DNAH10: variants seen among roughly 807,000 people sequenced by gnomAD.
The protein encoded by DNAH10 is axonemal beta dynein heavy chain 10.
Under a neutral mutation model 506.6 loss-of-function variants are expected in DNAH10, and 348 were observed. The observed-to-expected ratio is 0.69, with a 90% CI of 0.63 to 0.75. DNAH10 has a LOEUF of 0.75. DNAH10 is among the 30% of genes least tolerant of loss of function. DNAH10 has a pLI of 0.00. For synonymous variants in DNAH10, 2,059 were observed against 2,198.6 expected (o/e 0.94, Z 1.78); for missense variants, 5,179 against 5,787.1 (o/e 0.89, Z 3.41).
chr12:123,879,706 A>G lies in DNAH10; in HGVS notation c.8539A>G (p.Ile2847Val). ...CGTGGAGGTGGTGATGAGGGATCCC[A>G]TATTGTTTGGAGACTTCCAGATGGC... ...DDVEVVMRDP[I>V]LFGDFQMALH... Residue 2847 changes from isoleucine to valine, a missense_variant, in exon 50 of 79, where the codon ATA becomes GTA. Physicochemically the swap from Ile to Val is conservative, Grantham distance 29. Around this residue, in one of 3 missense-constraint regions of DNAH10, gnomAD observed 4,844 missense variants for 5,430.5 expected, o/e 0.89. Coordinates refer to ENST00000673944, the MANE Select transcript of DNAH10 (RefSeq NM_001372106.1). 1.9e-6 allele frequency: 3 copies of G among 1,613,966 alleles called. No individual in the cohort carries two copies. The highest frequency in any genetic ancestry group is 2.5e-6 in the Non-Finnish European group (3 of 1,179,866).
Position 123,813,199 on chromosome 12 carries a change from A to G in DNAH10, c.3180A>G (p.Glu1060=). ...FVRWMNGSCI[E]CPPQKGEEEE... ...GTTGGATGAATGGCAGCTGCATAGA[A>G]TGCCCACCTCAGAAGGGGGAGGAAG... Residue 1060 remains glutamate (E), a synonymous_variant, in exon 20 of 79, where the codon GAA becomes GAG. Coordinates refer to ENST00000673944, the MANE Select transcript of DNAH10 (RefSeq NM_001372106.1). 6.2e-7 allele frequency: 1 copy of G among 1,612,132 alleles called. No homozygotes were observed. Among genetic ancestry groups the G allele is most frequent in the Non-Finnish European group, 8.5e-7 (1 of 1,178,736 alleles).
Position 123,893,131 on chromosome 12 carries a change from A to G in DNAH10, c.8996-102A>G, listed in dbSNP as rs553858091. The G allele has an allele frequency of 4.7e-6, 6 of 1,264,542 alleles. No homozygotes were observed. In the South Asian group the frequency reaches 8.0e-5, roughly 17 times the overall value. The allele number at this position is 1,264,542 out of a possible 1,614,324, so 78.3% of individuals were successfully genotyped here. ...GGCCCACACGCTGCTCTCTGGACTC[A>G]GCACCTGCTGATCTTTCCACACCTT... On this transcript the variant is annotated intron_variant, in intron 52 of 78. Coordinates refer to ENST00000673944, the MANE Select transcript of DNAH10 (RefSeq NM_001372106.1).
At chr12:123,848,148 G>T (rs1169111676) in intron 33 of DNAH10, 53 bp downstream of exon 33, 3 of 1,569,822 alleles carry the variant, frequency 1.9e-6, no homozygotes, top group Non-Finnish European at 2.6e-6. Flanking sequence ...AGAGCTTAAA[G>T]CAGGACATGG....
intron 52 of DNAH10, 45 bp downstream of exon 52, chr12:123,887,358 C>T (rs1025911803): frequency 1.9e-6 from 3 of 1,576,614 alleles, no homozygotes; most frequent in Non-Finnish European, 2.6e-6. Flanking sequence ...CCCCGCTCAG[C>T]TCTTAAGGGA....
At position 123,907,754 on chromosome 12, in the gene DNAH10, G is replaced by A. The variant is rs571490395; in HGVS notation, c.9816-1507G>A. Among the ~76,000 whole-genome samples the A allele has an allele frequency of 3.3e-5, 5 of 152,290 alleles. No homozygotes were observed. Among genetic ancestry groups the A allele is most frequent in the Admixed American group, 2.0e-4 (3 of 15,300 alleles). On this transcript the variant is annotated intron_variant, in intron 57 of 78. Transcript: ENST00000673944. The surrounding 1 kb of genome is among the most constrained non-coding windows in gnomAD (Gnocchi z 4.4). Reference sequence around the variant, plus strand: ...TTCCCCACCTGCTTGTTCACAGAGCGGTGGCCGGGGCCTGGTTTCCATCCA... The same window carrying A: ...TTCCCCACCTGCTTGTTCACAGAGCAGTGGCCGGGGCCTGGTTTCCATCCA...
At chr12:123,887,813 T>C (rs1355318230) in intron 52 of DNAH10, among the ~76,000 whole-genome samples, 2 of 151,912 alleles carry the variant, frequency 1.3e-5, no homozygotes, top group African/African-American at 4.8e-5. Context: ...GGCGTGATCT[T>C]GGCTCACTGC....
chr12:123,822,681 T>C (rs905558201), intron 24 of DNAH10, among the ~76,000 whole-genome samples: 3 of 152,180 alleles, frequency 2.0e-5, no homozygotes, highest in African/African-American at 7.2e-5. Context: ...GCTCCTGTGA[T>C]TATGGAGGCT....
intron 11 of DNAH10, among the ~76,000 whole-genome samples, chr12:123,791,175 A>T (rs1476034698): frequency 1.3e-5 from 2 of 152,188 alleles, no homozygotes; most frequent in Non-Finnish European, 2.9e-5. Flanking sequence ...ATCAAGGTTT[A>T]TACTTCAGGA....
chr12:123,817,022 T>A (rs1403562882), intron 21 of DNAH10, among the ~76,000 whole-genome samples: 1 of 152,186 alleles, frequency 6.6e-6, no homozygotes, highest in Non-Finnish European at 1.5e-5. Context: ...TTCCATCATC[T>A]TCTGGCCTCT....
At position 123,935,675 on chromosome 12, in the gene DNAH10, A is replaced by T. The variant is rs889269549; in HGVS notation, c.*194A>T. On this transcript the variant is annotated 3_prime_UTR_variant, in exon 79 of 79. Transcript: ENST00000673944. ...GTTTTGTTTTTAATACTACTTTTTA[A>T]AAGGAATTTATATAATCAAAAAGTA... 7 of 501,640 alleles carry T rather than the reference A, an allele frequency of 1.4e-5. No homozygotes were observed. The highest frequency in any genetic ancestry group is 1.1e-4 in the African/African-American group (6 of 52,660). The allele number at this position is 501,640 out of a possible 1,614,324, so 31.1% of individuals were successfully genotyped here.
chr12:123,879,319 T>C lies in DNAH10; in HGVS notation c.8428T>C (p.Phe2810Leu). Residue 2810 changes from phenylalanine (F) to leucine (L), a missense_variant, in exon 49 of 79, where the codon TTC becomes CTC. Physicochemically the swap from Phe to Leu is conservative, Grantham distance 22. Transcript: ENST00000673944. ...RVWRNECLRV[F>L]HDRLISETDK... is the part of the protein sequence containing the mutation. ...CTGGAGGAATGAGTGTCTGAGAGTC[T>C]TCCACGACCGGCTGATCAGTGAAAC... 6.3e-7 allele frequency: 1 copy of C among 1,578,210 alleles called. No homozygotes were observed. Among genetic ancestry groups the C allele is most frequent in the Middle Eastern group, 1.7e-4 (1 of 6,028 alleles).
intron 11 of DNAH10, among the ~76,000 whole-genome samples, chr12:123,792,082 C>G (rs1442253811): frequency 2.0e-5 from 3 of 152,118 alleles, no homozygotes; most frequent in African/African-American, 7.2e-5. Flanking sequence ...ATTCCTAATC[C>G]CATTTGCCTC....
intron 11 of DNAH10, among the ~76,000 whole-genome samples, chr12:123,790,861 A>G (rs1440794648): frequency 6.6e-6 from 1 of 152,196 alleles, no homozygotes; most frequent in Non-Finnish European, 1.5e-5. Context: ...GTAGCGGCTC[A>G]TGCCTGTCAT....
At chr12:123,904,154 G>A (rs758706922) in intron 57 of DNAH10, among the ~76,000 whole-genome samples, 4 of 152,176 alleles carry the variant, frequency 2.6e-5, no homozygotes, top group Admixed American at 2.6e-4. Context: ...ATGACCTCCC[G>A]GTTCATTCTT....
chr12:123,798,731 T>C lies in DNAH10; in HGVS notation c.2164-515T>C, dbSNP rs1027717463. On this transcript the variant is annotated intron_variant, in intron 13 of 78. Coordinates refer to ENST00000673944, the MANE Select transcript of DNAH10 (RefSeq NM_001372106.1). ...TTATATAACTATATATTATTTATTA[T>C]ATTAACATTTTTATTTATTATATTT... Among the ~76,000 whole-genome samples the C allele has an allele frequency of 2.8e-4, 42 of 148,286 alleles. 1 individual carries two copies. Among genetic ancestry groups the C allele is most frequent in the Non-Finnish European group, 1.0e-4 (7 of 67,258 alleles).
At chr12:123,782,394 CCTTTCTTT>C (rs761654319) in intron 6 of DNAH10, among the ~76,000 whole-genome samples, 9 of 110,100 alleles carry the variant, frequency 8.2e-5, no homozygotes, top group South Asian at 3.2e-4. Flanking sequence ...TCTTTTCTTT[CCTTTCTTT>C]CTTTCTTTCT....
intron 51 of DNAH10, 96 bp from the exon 52 acceptor site, chr12:123,887,046 G>C (rs1299976151): frequency 2.1e-6 from 3 of 1,426,488 alleles, no homozygotes; most frequent in African/African-American, 2.9e-5. Flanking sequence ...ACAGACCCAC[G>C]CCCTCTGCAC....
intron 61 of DNAH10, 118 bp from the exon 62 acceptor site, chr12:123,914,734 G>A (rs1954389196): frequency 6.9e-7 from 1 of 1,450,578 alleles, no homozygotes; most frequent in Non-Finnish European, 9.2e-7. Context: ...TGGCCTCTGA[G>A]GAGGCTTGTG....
In DNAH10 at chr12:123,808,836, C is replaced by T; in HGVS notation, c.3027C>T (p.Val1009=). 1 of 1,614,152 alleles carries T rather than the reference C, an allele frequency of 6.2e-7. No homozygotes were observed. Among genetic ancestry groups the T allele is most frequent in the Non-Finnish European group, 8.5e-7 (1 of 1,180,022 alleles). ...TTAATTCTTTGATCCTTGGAAATGT[C>T]CCTCTGTTCCACACTGAAACCATTC... The part of the protein sequence containing the change: ...QSFNSLILGN[V]PLFHTETILT... The change falls in exon 19 of 79, where the codon GTC becomes GTT. Residue 1009 remains valine, a synonymous_variant. Transcript: ENST00000673944.
Sources: allele counts gnomAD v4.1 joint callset (sites outside exome capture counted in the v4.1 genomes callset), GRCh38; gene constraint gnomAD v4.1.1; regional missense constraint gnomAD v4.1.1; non-coding constraint Gnocchi (gnomAD v3.1); transcripts MANE v1.5; gene names NCBI Gene and HGNC (gene_info 2026-07-23, HGNC 2026-07-21).